The following ANO2 variants were observed in gnomAD, a reference collection of about 807,000 sequenced individuals.
ANO2 encodes anoctamin 2, also known as anoctamin-2.
A neutral mutation model predicts 124.2 loss-of-function variants in ANO2; 101 were observed. That is an observed-to-expected ratio of 0.81 (90% CI 0.69 to 0.96). The LOEUF is 0.96. Among genes scored for constraint, ANO2 ranks in the 40% least tolerant of loss-of-function variants. The pLI is 0.00. For missense variants in ANO2, 1,293 were observed against 1,274.5 expected (o/e 1.01, Z -0.22); for synonymous variants, 486 against 482.5 (o/e 1.01, Z -0.09).
chr12:5,670,752 T>C (rs1436246069), intron 14 of ANO2, among the ~76,000 whole-genome samples: 1 of 152,134 alleles, frequency 6.6e-6, no homozygotes, highest in African/African-American at 2.4e-5. Flanking sequence ...GTTGCCCACG[T>C]TGATCTCGAA....
chr12:5,630,272 A>C (rs1404083314), intron 16 of ANO2, among the ~76,000 whole-genome samples: 1 of 152,186 alleles, frequency 6.6e-6, no homozygotes, highest in African/African-American at 2.4e-5. Context: ...AGAATGGCAA[A>C]CGAAGTCTTA....
chr12:5,898,531 A>C (rs1167453424), intron 3 of ANO2, among the ~76,000 whole-genome samples: 2 of 152,264 alleles, frequency 1.3e-5, no homozygotes, highest in Non-Finnish European at 2.9e-5. Flanking sequence ...TGGTACATTC[A>C]AACGATGAAA....
At chr12:5,873,186 G>T (rs1937824792) in intron 3 of ANO2, among the ~76,000 whole-genome samples, 1 of 134,798 alleles carries the variant, frequency 7.4e-6, no homozygotes, top group African/African-American at 2.8e-5. Context: ...TGTTACTTTT[G>T]CCTAAAGCAG....
intron 3 of ANO2, among the ~76,000 whole-genome samples, chr12:5,863,521 A>G (rs1490039925): frequency 3.3e-5 from 5 of 152,216 alleles, no homozygotes; most frequent in African/African-American, 1.2e-4. Context: ...AATGTTAAAT[A>G]ATTGTAATAA....
intron 1 of ANO2, among the ~76,000 whole-genome samples, chr12:5,933,915 A>G (rs1033903507): frequency 6.6e-6 from 1 of 152,194 alleles, no homozygotes; most frequent in Admixed American, 6.5e-5. Flanking sequence ...TGCCTTTTTT[A>G]TCTCTGTATT....
chr12:5,818,064 G>GA (rs1953664691), intron 7 of ANO2, among the ~76,000 whole-genome samples: 1 of 151,980 alleles, frequency 6.6e-6, no homozygotes, highest in Non-Finnish European at 1.5e-5. Flanking sequence ...AGACTGAGAA[G>GA]AAAAAAACAT....
intron 12 of ANO2, among the ~76,000 whole-genome samples, 176 bp from the exon 13 acceptor site, chr12:5,739,575 C>A (rs976046627): frequency 7.0e-6 from 1 of 143,354 alleles, no homozygotes; most frequent in Non-Finnish European, 1.5e-5. Context: ...ACTCCACATC[C>A]TTGAGAGCCA....
At chr12:5,586,983 G>A (rs1943141927) in intron 20 of ANO2, among the ~76,000 whole-genome samples, 1 of 152,144 alleles carries the variant, frequency 6.6e-6, no homozygotes, top group Admixed American at 6.5e-5. Context: ...TGCAAGGGGT[G>A]GTGTAGGTTG....
rs146252705 is a variant in ANO2 at position 5,670,074 on chromosome 12, G to T, written c.1546-22273C>A. 6.1e-3 allele frequency among the ~76,000 whole-genome samples: 936 copies of T among 152,226 alleles called. 7 individuals carry two copies. The highest frequency in any genetic ancestry group is 0.022 in the African/African-American group (909 of 41,520). ...AGGAAAAATCAACACAGAGGCAGCA[G>T]AGCATACCGCCAAGAGCACACGTGT... On this transcript the variant is annotated intron_variant, in intron 14 of 24. Transcript: ENST00000682330.
chr12:5,726,645 CT>C (rs1450970793), intron 14 of ANO2, among the ~76,000 whole-genome samples: 4 of 152,134 alleles, frequency 2.6e-5, no homozygotes, highest in African/African-American at 9.7e-5. Flanking sequence ...GAAATAATAC[CT>C]GTAAAGCTTT....
intron 23 of ANO2, among the ~76,000 whole-genome samples, chr12:5,574,002 A>T (rs1346213445): frequency 6.6e-6 from 1 of 152,250 alleles, no homozygotes; most frequent in African/African-American, 2.4e-5. Flanking sequence ...GGCACCAAGC[A>T]TGGCAGACAT....
chr12:5,888,926 C>A lies in ANO2; in HGVS notation c.534+32114G>T, dbSNP rs761232189. 1.4e-4 allele frequency among the ~76,000 whole-genome samples: 21 copies of A among 152,242 alleles called. 1 individual carries two copies. The highest frequency in any genetic ancestry group is 7.3e-5 in the Non-Finnish European group (5 of 68,038). ...CTCAGCCCTTGGGTGGTCGAAGGGACTGGGTGCCTTGGAGCAGGGAGCTGT... is the reference window on the plus strand; with the variant it reads ...CTCAGCCCTTGGGTGGTCGAAGGGAATGGGTGCCTTGGAGCAGGGAGCTGT... On this transcript the variant is annotated intron_variant, in intron 3 of 24. Transcript: ENST00000682330.
In ANO2 at chr12:5,832,532, G is replaced by A; in HGVS notation, c.705C>T (p.His235=). 1 of 1,613,988 alleles carries A rather than the reference G, an allele frequency of 6.2e-7. No individual in the cohort carries two copies. Among genetic ancestry groups the A allele is most frequent in the Non-Finnish European group, 8.5e-7 (1 of 1,179,882 alleles). The change falls in exon 5 of 25, where the codon CAC becomes CAT. Residue 235 remains histidine, a synonymous_variant. Coordinates refer to ENST00000682330, the MANE Select transcript of ANO2 (RefSeq NM_001364791.2). ...FSAALQKLSS[H]LQPRVPEHSN... ...TGTGTTCTGGAACTCGGGGCTGCAGGTGCGAGCTCAGCTTCTGCAGAGCCG... is the reference window on the plus strand; with the variant it reads ...TGTGTTCTGGAACTCGGGGCTGCAGATGCGAGCTCAGCTTCTGCAGAGCCG...
chr12:5,713,066 G>A (rs1252755046), intron 14 of ANO2, among the ~76,000 whole-genome samples: 4 of 152,222 alleles, frequency 2.6e-5, no homozygotes, highest in African/African-American at 9.7e-5. Context: ...ACAGTGTGGA[G>A]AATGGACTGG....
Position 5,736,247 on chromosome 12 carries a change from T to C in ANO2, c.1434+3070A>G, listed in dbSNP as rs1007138037. 5.9e-5 allele frequency among the ~76,000 whole-genome samples: 9 copies of C among 152,196 alleles called. No homozygotes were observed. The East Asian group carries it at 7.7e-4, about 13-fold the overall frequency. On this transcript the variant is annotated intron_variant, in intron 13 of 24. Coordinates refer to ENST00000682330, the MANE Select transcript of ANO2 (RefSeq NM_001364791.2). ...AAGAAAGCAGTCTCCAGTCTTCTTC[T>C]GGCTTGTCTCTGGTTTCCAAGCCGG...
chr12:5,565,781 A>T, intron 23 of ANO2, 118 bp from the exon 24 acceptor site: 1 of 769,626 alleles, frequency 1.3e-6, no homozygotes, highest in Non-Finnish European at 2.1e-6. Context: ...CTTGGCATTG[A>T]CTTGAGAAGC....
At chr12:5,672,780 A>T (rs1426936450) in intron 14 of ANO2, among the ~76,000 whole-genome samples, 1 of 152,230 alleles carries the variant, frequency 6.6e-6, no homozygotes, top group Non-Finnish European at 1.5e-5. Flanking sequence ...CAATTTAAGG[A>T]TAGTTTGGGA....
At chr12:5,632,705 C>A (rs1325065873) in intron 16 of ANO2, among the ~76,000 whole-genome samples, 2 of 152,184 alleles carry the variant, frequency 1.3e-5, no homozygotes, top group African/African-American at 4.8e-5. Flanking sequence ...ATGGGAAGTA[C>A]TCACTAAATA....
intron 7 of ANO2, among the ~76,000 whole-genome samples, chr12:5,812,704 A>G (rs1217463452): frequency 0.067 from 1,167 of 17,346 alleles, no homozygotes; most frequent in East Asian, 0.16. Context: ...AAGAGAAAGA[A>G]AAGAAGAAGA....
Sources: gnomAD v4.1 joint callset for allele counts (sites outside exome capture counted in the v4.1 genomes callset) on GRCh38, gnomAD v4.1.1 for gene constraint, MANE v1.5 for transcripts, NCBI Gene and HGNC (gene_info 2026-07-23, HGNC 2026-07-21) for gene names.